STAG1: variants seen among roughly 807,000 people sequenced by gnomAD.
STAG1 encodes the protein STAG1 cohesin complex component.
Under a neutral mutation model 170.9 loss-of-function variants are expected in STAG1, and 26 were observed. The observed-to-expected ratio is 0.15, with a 90% CI of 0.11 to 0.21. STAG1 has a LOEUF of 0.21. STAG1 is among the 10% of genes least tolerant of loss of function. The pLI, the probability that STAG1 is intolerant of heterozygous loss-of-function variation, is 1.00. For synonymous variants in STAG1, 514 were observed against 497.7 expected (o/e 1.03, Z -0.44); for missense variants, 964 against 1,509.5 (o/e 0.64, Z 5.99).
intron 7 of STAG1, among the ~76,000 whole-genome samples, chr3:136,515,807 C>A (rs997681813): frequency 6.6e-6 from 1 of 152,024 alleles, no homozygotes; most frequent in African/African-American, 2.4e-5. Flanking sequence ...ATGGGTAAAA[C>A]TACATGATAT....
At chr3:136,507,710 C>A (rs1933838631) in intron 7 of STAG1, among the ~76,000 whole-genome samples, 1 of 152,072 alleles carries the variant, frequency 6.6e-6, no homozygotes, top group Non-Finnish European at 1.5e-5. Context: ...TTTTCCTACT[C>A]ATCACTATTT....
At chr3:136,606,164 C>T (rs1348815208) in intron 3 of STAG1, among the ~76,000 whole-genome samples, 1 of 151,486 alleles carries the variant, frequency 6.6e-6, no homozygotes, top group African/African-American at 2.4e-5. Flanking sequence ...AATACTGATA[C>T]ACTAACAAAA....
intron 5 of STAG1, 28 bp downstream of exon 5, chr3:136,568,737 G>A: frequency 6.5e-7 from 1 of 1,535,306 alleles, no homozygotes; most frequent in Non-Finnish European, 9.0e-7. Context: ...CAGGCTCAAT[G>A]TACATCATTT....
chr3:136,364,425 G>A (rs1396607217), intron 25 of STAG1, among the ~76,000 whole-genome samples: 1 of 151,808 alleles, frequency 6.6e-6, no homozygotes, highest in Non-Finnish European at 1.5e-5. Flanking sequence ...TCTAAAAGGT[G>A]ACAGATCAAG....
intron 5 of STAG1, among the ~76,000 whole-genome samples, chr3:136,551,208 T>TGGGAGA (rs1936371723): frequency 2.2e-5 from 1 of 44,496 alleles, no homozygotes; most frequent in African/African-American, 1.2e-4. Context: ...TGAGAGAGAG[T>TGGGAGA]GAGAGAGAGA....
At chr3:136,703,720 T>C (rs190464456) in intron 1 of STAG1, among the ~76,000 whole-genome samples, 9 of 152,044 alleles carry the variant, frequency 5.9e-5, no homozygotes, top group Admixed American at 3.9e-4. Context: ...TTAAAAAACG[T>C]AGACTGGGGC....
At chr3:136,706,278 G>C (rs945449398) in intron 1 of STAG1, among the ~76,000 whole-genome samples, 1 of 152,116 alleles carries the variant, frequency 6.6e-6, no homozygotes, top group Admixed American at 6.6e-5. Flanking sequence ...ATTCATATTG[G>C]AAAGGATGAA....
At chr3:136,502,487 G>T in intron 8 of STAG1, 141 bp downstream of exon 8, 1 of 865,770 alleles carries the variant, frequency 1.2e-6, no homozygotes, top group Non-Finnish European at 1.7e-6. Flanking sequence ...GAACACTCCA[G>T]CTTCATTTGG....
In STAG1 at chr3:136,380,881, G is replaced by A. The variant is rs535702882; in HGVS notation, c.2278-3129C>T. On this transcript the variant is annotated intron_variant, in intron 22 of 33. Transcript: ENST00000383202. ...CTAAAAATACAAAAATGAGCCGGGC[G>A]TGGTGGTGGGTGCCTGTAATCCCAA... Among the ~76,000 whole-genome samples the A allele has an allele frequency of 2.6e-5, 4 of 151,826 alleles. No individual in the cohort carries two copies. The East Asian group carries it at 5.9e-4, about 22-fold the overall frequency.
intron 4 of STAG1, among the ~76,000 whole-genome samples, chr3:136,587,795 A>ATTTTGGCT (rs1188064831): frequency 6.6e-6 from 1 of 152,044 alleles, no homozygotes; most frequent in African/African-American, 2.4e-5. Flanking sequence ...TCTCTACCAA[A>ATTTTGGCT]AACACAAAAA....
At chr3:136,678,633 A>T (rs1171780393) in intron 1 of STAG1, among the ~76,000 whole-genome samples, 3 of 151,896 alleles carry the variant, frequency 2.0e-5, no homozygotes, top group African/African-American at 7.2e-5. Context: ...GTATCTAGGG[A>T]AAAGTAAAAA....
At chr3:136,601,729 C>T (rs943072399) in intron 4 of STAG1, among the ~76,000 whole-genome samples, 1 of 151,836 alleles carries the variant, frequency 6.6e-6, no homozygotes. Context: ...CCCAGCTACT[C>T]GGGAGGTTGA....
intron 1 of STAG1, among the ~76,000 whole-genome samples, chr3:136,724,649 A>G (rs1445260307): frequency 6.6e-6 from 1 of 151,852 alleles, no homozygotes; most frequent in Non-Finnish European, 1.5e-5. Context: ...TAGTGGCTCC[A>G]GTCTGCAAGT....
At chr3:136,500,168 A>AAATC in intron 9 of STAG1, 55 bp downstream of exon 9, 1 of 1,204,510 alleles carries the variant, frequency 8.3e-7, no homozygotes, top group Admixed American at 2.2e-5. Flanking sequence ...GCCACAAAAA[A>AAATC]AATCAATAAT....
intron 5 of STAG1, among the ~76,000 whole-genome samples, chr3:136,559,971 CTAAA>C (rs1486207406): frequency 6.6e-6 from 1 of 152,044 alleles, no homozygotes; most frequent in Non-Finnish European, 1.5e-5. Context: ...TTGTGAGGAC[CTAAA>C]TAAATAGTTT....
At chr3:136,412,865 C>CT (rs35801167) in intron 21 of STAG1, among the ~76,000 whole-genome samples, 34,566 of 141,426 alleles carry the variant, frequency 0.24, 4,534 homozygotes, top group Middle Eastern at 0.33. Context: ...ACAATTTTTT[C>CT]TTTTTTTTTT....
intron 22 of STAG1, among the ~76,000 whole-genome samples, chr3:136,383,266 T>G (rs532023473): frequency 2.0e-5 from 3 of 152,158 alleles, no homozygotes; most frequent in Admixed American, 2.0e-4. Flanking sequence ...TAAAGAACAA[T>G]AGATAATATT....
intron 1 of STAG1, among the ~76,000 whole-genome samples, chr3:136,723,948 C>T (rs1024409308): frequency 6.7e-6 from 1 of 150,288 alleles, no homozygotes; most frequent in Non-Finnish European, 1.5e-5. Context: ...CAGCCCCCCG[C>T]CAGGCCAGCC....
intron 9 of STAG1, among the ~76,000 whole-genome samples, chr3:136,491,282 G>C (rs987411357): frequency 2.0e-5 from 3 of 151,866 alleles, no homozygotes; most frequent in Non-Finnish European, 4.4e-5. Flanking sequence ...CATGACCAAG[G>C]GCTTCTCTCT....
Sources: allele counts gnomAD v4.1 joint callset (sites outside exome capture counted in the v4.1 genomes callset), GRCh38; gene constraint gnomAD v4.1.1; transcripts MANE v1.5; gene names NCBI Gene and HGNC (gene_info 2026-07-23, HGNC 2026-07-21).